SEL1L2: variants seen among roughly 807,000 people sequenced by gnomAD.
The protein encoded by SEL1L2 is SEL1L2 adaptor subunit of SYVN1 ubiquitin ligase.
A neutral mutation model predicts 98.8 loss-of-function variants in SEL1L2; 89 were observed. The ratio of observed to expected loss-of-function variants is 0.90; its 90% CI spans 0.76 to 1.07. The LOEUF (loss-of-function observed/expected upper bound fraction) is 1.07. Ranked by LOEUF, SEL1L2 falls within the 50% of genes least tolerant of loss-of-function variation. The pLI, the probability that SEL1L2 is intolerant of heterozygous loss-of-function variation, is 0.00. For missense variants in SEL1L2, 788 were observed against 812.0 expected (o/e 0.97, Z 0.36); for synonymous variants, 262 against 278.5 (o/e 0.94, Z 0.59).
chr20:13,888,289 T>C (rs551105080), intron 6 of SEL1L2, among the ~76,000 whole-genome samples, 170 bp downstream of exon 6: 8 of 152,378 alleles, frequency 5.3e-5, no homozygotes, highest in African/African-American at 1.9e-4. Flanking sequence ...GGCTGACTCA[T>C]GAGGCTTTAA....
intron 5 of SEL1L2, 121 bp from the exon 6 acceptor site, chr20:13,888,633 C>CTATT: frequency 4.7e-5 from 11 of 232,084 alleles, no homozygotes; most frequent in Non-Finnish European, 5.1e-5. Flanking sequence ...TTCTTTCTTT[C>CTATT]TCTTTTTTTT....
chr20:13,915,576 A>G (rs1481356052), intron 4 of SEL1L2, among the ~76,000 whole-genome samples: 1 of 152,146 alleles, frequency 6.6e-6, no homozygotes, highest in Non-Finnish European at 1.5e-5. Context: ...GGGGCCTCCA[A>G]TAGTACGCCT....
At chr20:13,853,415 T>C (rs567767718) in intron 18 of SEL1L2, among the ~76,000 whole-genome samples, 36 of 152,074 alleles carry the variant, frequency 2.4e-4, no homozygotes, top group Middle Eastern at 3.4e-3. Context: ...GGTTTCACCA[T>C]GATGCCCAGG....
intron 3 of SEL1L2, among the ~76,000 whole-genome samples, chr20:13,926,939 T>A (rs1277955096): frequency 1.3e-5 from 2 of 152,336 alleles, no homozygotes; most frequent in East Asian, 3.9e-4. Flanking sequence ...GGACATGGCC[T>A]GTAGTGTCCC....
chr20:13,850,148 T>C (rs766485229), intron 19 of SEL1L2, 43 bp downstream of exon 19: 4 of 1,610,844 alleles, frequency 2.5e-6, no homozygotes, highest in Middle Eastern at 1.7e-4. Flanking sequence ...AGTTGCTCAC[T>C]GGAGACTTTC....
chr20:13,918,042 T>C (rs966893433), intron 4 of SEL1L2, among the ~76,000 whole-genome samples: 4 of 152,070 alleles, frequency 2.6e-5, no homozygotes, highest in African/African-American at 4.8e-5. Flanking sequence ...CTGCTAGCCT[T>C]GGCCTCCCGA....
rs1474298162 is a variant in SEL1L2 at position 13,859,432 on chromosome 20, T to A, written c.1648A>T (p.Asn550Tyr). 2 of 1,611,046 alleles carry A rather than the reference T, an allele frequency of 1.2e-6. No homozygotes were observed. The highest frequency in any genetic ancestry group is 2.7e-5 in the African/African-American group (2 of 74,870). ...CCAATTTTTACTCTAGCAAATGCAT[T>A]GCCTGATAGAAATATTAGAGAAAAA... ...LLWNRAAIQGNAFARVKIGDY... is the reference protein window; with the variant it reads ...LLWNRAAIQGYAFARVKIGDY... Residue 550 changes from asparagine to tyrosine, a missense_variant and splice_region_variant, in exon 18 of 20, where the codon AAT (asparagine) becomes TAT (tyrosine). Asn to Tyr is a moderately radical substitution (Grantham distance 143, BLOSUM62 -2). Coordinates refer to ENST00000284951, the MANE Select transcript of SEL1L2 (RefSeq NM_025229.2).
intron 2 of SEL1L2, among the ~76,000 whole-genome samples, chr20:13,951,072 C>T (rs1412157986): frequency 1.3e-5 from 2 of 151,130 alleles, no homozygotes; most frequent in Non-Finnish European, 1.5e-5. Flanking sequence ...GTCAGGAGAT[C>T]GAGACCATCC....
chr20:13,884,567 G>T (rs1165326206), intron 10 of SEL1L2, among the ~76,000 whole-genome samples: 2 of 152,072 alleles, frequency 1.3e-5, no homozygotes, highest in African/African-American at 4.8e-5. Flanking sequence ...TAGTGCAGTG[G>T]CATGATCTGG....
At chr20:13,851,543 GC>G (rs905248809) in intron 18 of SEL1L2, 1 of 151,662 alleles carries the variant, frequency 6.6e-6, no homozygotes, top group African/African-American at 2.4e-5. Context: ...ATTTTCAGGA[GC>G]TTTTTTTTTT....
chr20:13,865,093 G>A (rs751102328), intron 17 of SEL1L2, 74 bp downstream of exon 17: 12 of 1,180,132 alleles, frequency 1.0e-5, no homozygotes, highest in East Asian at 2.4e-5. Context: ...GCACAAACAC[G>A]CAGCTACAGC....
intron 5 of SEL1L2, among the ~76,000 whole-genome samples, chr20:13,903,912 T>C (rs1241475073): frequency 1.3e-5 from 2 of 152,242 alleles, no homozygotes; most frequent in African/African-American, 4.8e-5. Flanking sequence ...TTATTAGTGT[T>C]ACCACTCTCC....
intron 5 of SEL1L2, among the ~76,000 whole-genome samples, chr20:13,905,383 A>G (rs1330677315): frequency 2.1e-5 from 3 of 142,770 alleles, no homozygotes; most frequent in African/African-American, 5.3e-5. Context: ...GCGTGATCTC[A>G]GCTCACTGCA....
At chr20:13,903,658 C>T (rs1203398944) in intron 5 of SEL1L2, among the ~76,000 whole-genome samples, 1 of 151,936 alleles carries the variant, frequency 6.6e-6, no homozygotes, top group Admixed American at 6.6e-5. Flanking sequence ...ACTAAAAATA[C>T]AAAAATTAGG....
chr20:13,908,726 A>G (rs1208959298), intron 5 of SEL1L2, among the ~76,000 whole-genome samples: 1 of 152,220 alleles, frequency 6.6e-6, no homozygotes, highest in Non-Finnish European at 1.5e-5. Flanking sequence ...TGAAAGGTAC[A>G]GAATCTCTGA....
intron 1 of SEL1L2, among the ~76,000 whole-genome samples, chr20:13,969,918 G>T (rs183934273): frequency 3.6e-4 from 54 of 152,080 alleles, no homozygotes; most frequent in African/African-American, 1.3e-3. Context: ...TCCGTTCTTG[G>T]TACATCTTCA....
At chr20:13,861,164 C>T (rs1262648131) in intron 17 of SEL1L2, among the ~76,000 whole-genome samples, 1 of 151,618 alleles carries the variant, frequency 6.6e-6, no homozygotes, top group Admixed American at 6.6e-5. Context: ...CCAGGATGAT[C>T]TTTTTTTTTA....
chr20:13,987,962 C>T (rs570300481), intron 1 of SEL1L2, among the ~76,000 whole-genome samples: 1 of 152,294 alleles, frequency 6.6e-6, no homozygotes, highest in South Asian at 2.1e-4. Flanking sequence ...TCCTCCAAAA[C>T]AGAAGAGTTT....
intron 5 of SEL1L2, among the ~76,000 whole-genome samples, chr20:13,898,229 A>C (rs1051698210): frequency 6.6e-6 from 1 of 152,160 alleles, no homozygotes; most frequent in Admixed American, 6.5e-5. Context: ...AGTCTATAAA[A>C]AGAGCAGTCC....
Sources: gnomAD v4.1 joint callset for allele counts (sites outside exome capture counted in the v4.1 genomes callset) on GRCh38, gnomAD v4.1.1 for gene constraint, MANE v1.5 for transcripts, NCBI Gene and HGNC (gene_info 2026-07-23, HGNC 2026-07-21) for gene names.